NCAPH: variants seen among roughly 807,000 people sequenced by gnomAD.
NCAPH encodes the protein non-SMC condensin I complex subunit H.
Under a neutral mutation model 85.5 loss-of-function variants are expected in NCAPH, and 38 were observed. The ratio of observed to expected loss-of-function variants is 0.44; its 90% CI spans 0.34 to 0.58. The LOEUF (loss-of-function observed/expected upper bound fraction) is 0.58. NCAPH is among the 20% of genes least tolerant of loss of function. NCAPH has a pLI of 0.01. For missense variants in NCAPH, 789 were observed against 916.6 expected (o/e 0.86, Z 1.80); for synonymous variants, 301 against 335.1 (o/e 0.90, Z 1.11).
chr2:96,364,178 T>G (rs2104487103), intron 12 of NCAPH, among the ~76,000 whole-genome samples: 1 of 152,310 alleles, frequency 6.6e-6, no homozygotes, highest in African/African-American at 2.4e-5. Context: ...ATTTTCCAAC[T>G]TTTGTTTTTA....
chr2:96,364,476 T>G lies in NCAPH; in HGVS notation c.1588-5T>G, dbSNP rs532135826. 5.1e-6 allele frequency: 8 copies of G among 1,569,460 alleles called. No homozygotes were observed. Among genetic ancestry groups the G allele is most frequent in the Non-Finnish European group, 7.0e-6 (8 of 1,142,864 alleles). On this transcript the variant is annotated splice_polypyrimidine_tract_variant and splice_region_variant and intron_variant, in intron 12 of 17. Transcript: ENST00000240423. Reference sequence around the variant, plus strand: ...ATAGCTTTCTGCATTTATTCTTTCCTTTAGTTACTTAAGATGGCCCAGGGC... The same window carrying G: ...ATAGCTTTCTGCATTTATTCTTTCCGTTAGTTACTTAAGATGGCCCAGGGC...
In NCAPH at chr2:96,376,938, A is replaced by T. The variant is rs1459288201; in HGVS notation, c.*3587A>T. Among the ~76,000 whole-genome samples, 4 of 152,312 alleles carry T rather than the reference A, an allele frequency of 2.6e-5. No individual in the cohort carries two copies. In the East Asian group the frequency reaches 7.7e-4, roughly 29 times the overall value. On this transcript the variant is annotated 3_prime_UTR_variant, in exon 18 of 18. Transcript: ENST00000240423. ...TAAAATAAAGAATGTAATTGAAAAG[A>T]GTAAATGCCTGAGGGGATGGATACC...
intron 6 of NCAPH, among the ~76,000 whole-genome samples, chr2:96,348,190 CTTTTT>C: frequency 7.2e-6 from 1 of 139,504 alleles, no homozygotes. Flanking sequence ...AGGTCTCTCT[CTTTTT>C]TTTTTTTTTT....
Position 96,375,493 on chromosome 2 carries a change from G to C in NCAPH, c.*2142G>C, listed in dbSNP as rs1005916649. Reference sequence around the variant, plus strand: ...TTCCTCTTGCCCTTCTGCCATGTAAGGATGCAATGAGAAGGCACCATCTGT... The same window carrying C: ...TTCCTCTTGCCCTTCTGCCATGTAACGATGCAATGAGAAGGCACCATCTGT... On this transcript the variant is annotated 3_prime_UTR_variant, in exon 18 of 18. Coordinates refer to ENST00000240423, the MANE Select transcript of NCAPH (RefSeq NM_015341.5). Among the ~76,000 whole-genome samples the C allele has an allele frequency of 6.6e-6, 1 of 152,166 alleles. No individual in the cohort carries two copies. The highest frequency in any genetic ancestry group is 6.5e-5 in the Admixed American group (1 of 15,274).
intron 5 of NCAPH, among the ~76,000 whole-genome samples, chr2:96,343,709 T>G (rs879520539): frequency 1.3e-5 from 2 of 151,840 alleles, no homozygotes; most frequent in Non-Finnish European, 2.9e-5. Flanking sequence ...AGTTTTGTTT[T>G]TTTTTTTTTT....
At chr2:96,356,453 A>G (rs776629560) in intron 9 of NCAPH, among the ~76,000 whole-genome samples, 14 of 152,236 alleles carry the variant, frequency 9.2e-5, no homozygotes, top group Admixed American at 4.6e-4. Context: ...TCTTTGTGCA[A>G]GATGCTGCGC....
intron 9 of NCAPH, among the ~76,000 whole-genome samples, chr2:96,354,903 G>A (rs2064503239): frequency 6.6e-6 from 1 of 152,162 alleles, no homozygotes; most frequent in South Asian, 2.1e-4. Flanking sequence ...GTGCATTTTG[G>A]TAGCAGAGAG....
At chr2:96,363,681 G>C (rs546373690) in intron 12 of NCAPH, among the ~76,000 whole-genome samples, 5 of 152,340 alleles carry the variant, frequency 3.3e-5, no homozygotes, top group Non-Finnish European at 4.4e-5. Flanking sequence ...TAAAAGAGGA[G>C]CCTCATTCCA....
chr2:96,365,870 G>A lies in NCAPH; in HGVS notation c.1699-6G>A, dbSNP rs1474232314. On this transcript the variant is annotated splice_polypyrimidine_tract_variant and splice_region_variant and intron_variant, in intron 13 of 17. Coordinates refer to ENST00000240423, the MANE Select transcript of NCAPH (RefSeq NM_015341.5). Reference sequence around the variant, plus strand: ...CACCAAACTCGAAGAGCTGTTTCTTGCCCAGGCTGCTGACAGTGATGATGA... The same window carrying A: ...CACCAAACTCGAAGAGCTGTTTCTTACCCAGGCTGCTGACAGTGATGATGA... 3 of 1,614,114 alleles carry A rather than the reference G, an allele frequency of 1.9e-6. No homozygotes were observed. The highest frequency in any genetic ancestry group is 2.5e-6 in the Non-Finnish European group (3 of 1,179,996).
chr2:96,369,473 C>T lies in NCAPH; in HGVS notation c.2139C>T (p.Ala713=), dbSNP rs2064744025. The change falls in exon 17 of 18, where the codon GCC becomes GCT. Residue 713 remains alanine, a synonymous_variant. Transcript: ENST00000240423. The part of the protein sequence containing the change: ...AQNLSIPLAF[A]CLLHLANEKN... ...ACCTCTCCATACCTCTGGCTTTTGC[C>T]TGTCTCCTACATTTAGCCAATGAAA... 1.2e-6 allele frequency: 2 copies of T among 1,614,108 alleles called. No individual in the cohort carries two copies. The highest frequency in any genetic ancestry group is 1.7e-6 in the Non-Finnish European group (2 of 1,179,958).
chr2:96,351,852 A>G lies in NCAPH; in HGVS notation c.742A>G (p.Thr248Ala). Residue 248 changes from threonine (T) to alanine (A), a missense_variant, in exon 7 of 18, where the codon ACA (threonine) becomes GCA (alanine). Coordinates refer to ENST00000240423, the MANE Select transcript of NCAPH (RefSeq NM_015341.5). ...KCEIDPMFQK[T>A]AASFDECSTA... The stretch of plus-strand genomic sequence containing the variant: ...TCAGATTGATCCCATGTTTCAGAAG[A>G]CAGCAGCCTCATTTGATGAGTGCAG... The G allele has an allele frequency of 6.2e-7, 1 of 1,603,714 alleles. No individual in the cohort carries two copies. The highest frequency in any genetic ancestry group is 1.1e-5 in the South Asian group (1 of 88,618).
rs770708055 is a variant in NCAPH, at chr2:96,360,661, AC to A, written c.1539del (p.Tyr514ThrfsTer26). On this transcript the variant is annotated frameshift_variant, in exon 12 of 18. Transcript: ENST00000240423. LOFTEE classifies it high-confidence loss of function. The part of the protein sequence containing the change: ...WRATTLPTDF[N>X]YNVDTLVQLH... ...GCTACCACCCTTCCTACAGATTTCAACTACAATGTTGACACTCTGGTCCAGC... is the reference window on the plus strand; with the variant it reads ...GCTACCACCCTTCCTACAGATTTCAATACAATGTTGACACTCTGGTCCAGC... 1 of 1,614,186 alleles carries A rather than the reference AC, an allele frequency of 6.2e-7. No individual in the cohort carries two copies. Among genetic ancestry groups the A allele is most frequent in the Non-Finnish European group, 8.5e-7 (1 of 1,180,024 alleles).
chr2:96,341,560 C>T (rs2104420545), intron 1 of NCAPH, 82 bp from the exon 2 acceptor site: 6 of 1,512,250 alleles, frequency 4.0e-6, no homozygotes, highest in Non-Finnish European at 2.7e-6. Flanking sequence ...TGGTGAACCT[C>T]CACCCCTGTG....
chr2:96,346,435 C>A (rs1431460689), intron 6 of NCAPH, among the ~76,000 whole-genome samples: 1 of 152,054 alleles, frequency 6.6e-6, no homozygotes, highest in East Asian at 1.9e-4. Context: ...CCGTGAATAG[C>A]TGTGTGGGTA....
chr2:96,351,782 C>T, intron 6 of NCAPH, 49 bp from the exon 7 acceptor site: 3 of 1,487,910 alleles, frequency 2.0e-6, no homozygotes, highest in Non-Finnish European at 2.7e-6. Flanking sequence ...TTTATCTTTC[C>T]CTTGGCTACA....
At chr2:96,342,581 A>G in intron 3 of NCAPH, among the ~76,000 whole-genome samples, 175 bp from the exon 4 acceptor site, 1 of 152,206 alleles carries the variant, frequency 6.6e-6, no homozygotes, top group Admixed American at 6.5e-5. Flanking sequence ...CTAGCCTTGA[A>G]CATGAGGACA....
At chr2:96,356,248 TC>T (rs1468091694) in intron 9 of NCAPH, among the ~76,000 whole-genome samples, 1 of 152,160 alleles carries the variant, frequency 6.6e-6, no homozygotes, top group African/African-American at 2.4e-5. Context: ...TTAAATCCCC[TC>T]CCCTTGCCAC....
intron 9 of NCAPH, 32 bp from the exon 10 acceptor site, chr2:96,359,008 TATATG>T: frequency 6.3e-7 from 1 of 1,594,576 alleles, no homozygotes; most frequent in Non-Finnish European, 8.6e-7. Flanking sequence ...AGCATTATAA[TATATG>T]TATTGTACAT....
chr2:96,336,099 A>C (rs1476218092), intron 1 of NCAPH, among the ~76,000 whole-genome samples: 1 of 150,504 alleles, frequency 6.6e-6, no homozygotes. Flanking sequence ...CCTGCCTCAC[A>C]CTCCTCAGTT....
Sources: allele counts gnomAD v4.1 joint callset (sites outside exome capture counted in the v4.1 genomes callset), GRCh38; gene constraint gnomAD v4.1.1; transcripts MANE v1.5; gene names NCBI Gene and HGNC (gene_info 2026-07-23, HGNC 2026-07-21).